The following AKAP6 variants were observed in gnomAD, a reference collection of about 807,000 sequenced individuals.
AKAP6 encodes A-kinase anchor protein 6.
A neutral mutation model predicts 188.5 loss-of-function variants in AKAP6; 58 were observed. That is an observed-to-expected ratio of 0.31 (90% confidence interval 0.25 to 0.38). The LOEUF is 0.38. Among genes scored for constraint, AKAP6 ranks in the 10% least tolerant of loss-of-function variants. The pLI is 1.00. For missense variants in AKAP6, 2,710 were observed against 2,740.0 expected (o/e 0.99, Z 0.24); for synonymous variants, 989 against 998.6 (o/e 0.99, Z 0.18).
intron 9 of AKAP6, among the ~76,000 whole-genome samples, chr14:32,715,351 A>G (rs1166310565): frequency 6.6e-6 from 1 of 152,070 alleles, no homozygotes; most frequent in Non-Finnish European, 1.5e-5. Flanking sequence ...GGATGAGACA[A>G]TAAGAATTCA....
At chr14:32,738,525 A>T (rs1410360507) in intron 11 of AKAP6, among the ~76,000 whole-genome samples, 2 of 152,186 alleles carry the variant, frequency 1.3e-5, no homozygotes, top group Non-Finnish European at 2.9e-5. Flanking sequence ...TTTTATGCAT[A>T]TTGTTATACT....
chr14:32,608,793 C>T (rs1368980832), intron 7 of AKAP6, among the ~76,000 whole-genome samples: 1 of 152,132 alleles, frequency 6.6e-6, no homozygotes, highest in Non-Finnish European at 1.5e-5. Flanking sequence ...GCAGATCTCA[C>T]ATTTTGTACC....
chr14:32,795,274 A>G (rs1289164383), intron 12 of AKAP6, among the ~76,000 whole-genome samples: 7 of 152,236 alleles, frequency 4.6e-5, no homozygotes, highest in East Asian at 1.9e-4. Context: ...ACTTCTCCCT[A>G]ACTCATTCCG....
chr14:32,740,178 G>A (rs1157683581), intron 11 of AKAP6, among the ~76,000 whole-genome samples: 1 of 151,898 alleles, frequency 6.6e-6, no homozygotes, highest in African/African-American at 2.4e-5. Context: ...GTCTTCTTTT[G>A]AGAAATGGCT....
intron 7 of AKAP6, among the ~76,000 whole-genome samples, chr14:32,616,664 G>C (rs138364473): frequency 2.2e-4 from 33 of 152,160 alleles, no homozygotes; most frequent in African/African-American, 8.0e-4. Flanking sequence ...TTTAGCATCT[G>C]GATGACAAAA....
At chr14:32,726,266 C>T (rs1211123779) in intron 9 of AKAP6, 12 of 919,018 alleles carry the variant, frequency 1.3e-5, no homozygotes, top group African/African-American at 5.4e-5. Flanking sequence ...ATTCTTCTCT[C>T]CTCAGTCTTC....
chr14:32,790,118 T>C lies in AKAP6; in HGVS notation c.3588+16225T>C, dbSNP rs145291668. On this transcript the variant is annotated intron_variant, in intron 12 of 13. Transcript: ENST00000280979. Reference sequence around the variant, plus strand: ...AGAATAGACCAAGTGGAGGAAAGAATCTCAGAGCCTGAAGACTATCTTTCT... The same window carrying C: ...AGAATAGACCAAGTGGAGGAAAGAACCTCAGAGCCTGAAGACTATCTTTCT... 1.4e-3 allele frequency among the ~76,000 whole-genome samples: 215 copies of C among 152,208 alleles called. 3 individuals are homozygous for C. The East Asian group carries it at 0.037, about 26-fold the overall frequency.
intron 12 of AKAP6, among the ~76,000 whole-genome samples, chr14:32,785,101 G>C (rs1285299415): frequency 6.6e-6 from 1 of 152,080 alleles, no homozygotes; most frequent in Non-Finnish European, 1.5e-5. Context: ...GATTGAATTA[G>C]AGAACACCAT....
chr14:32,575,008 C>A (rs1884656093), intron 4 of AKAP6, among the ~76,000 whole-genome samples: 1 of 152,114 alleles, frequency 6.6e-6, no homozygotes, highest in African/African-American at 2.4e-5. Flanking sequence ...AACATCAAGT[C>A]AGATATGAAC....
At chr14:32,611,445 A>G (rs74904831) in intron 7 of AKAP6, among the ~76,000 whole-genome samples, 2,123 of 152,300 alleles carry the variant, frequency 0.014, 53 homozygotes, top group African/African-American at 0.048. Context: ...TTCTTGTGTA[A>G]CAGTTGAAAA....
At chr14:32,463,814 T>C (rs1205833477) in intron 2 of AKAP6, among the ~76,000 whole-genome samples, 1 of 152,202 alleles carries the variant, frequency 6.6e-6, no homozygotes, top group Non-Finnish European at 1.5e-5. Flanking sequence ...AGCTGGTTTT[T>C]TGAAAACATT....
Position 32,437,069 on chromosome 14 carries a change from C to T in AKAP6, c.324+3252C>T, listed in dbSNP as rs192657141. Among the ~76,000 whole-genome samples, 15 of 152,308 alleles carry T rather than the reference C, an allele frequency of 9.8e-5. No homozygotes were observed. The East Asian group carries it at 2.7e-3, about 27-fold the overall frequency. ...TGGCTCCTGTACTTTTCTCCTTGTT[C>T]ATAAAGCTCCAGATTCACTGTAAGT... is the stretch of plus-strand genomic sequence containing the variant. On this transcript the variant is annotated intron_variant, in intron 2 of 13. Coordinates refer to ENST00000280979, the MANE Select transcript of AKAP6 (RefSeq NM_004274.5).
chr14:32,330,875 G>A (rs748565624), intron 1 of AKAP6, among the ~76,000 whole-genome samples: 25 of 151,868 alleles, frequency 1.6e-4, no homozygotes, highest in Non-Finnish European at 2.5e-4. Flanking sequence ...TTTCTGACAT[G>A]CAGCTGTATA....
intron 12 of AKAP6, among the ~76,000 whole-genome samples, chr14:32,786,305 T>TTTTTTTG (rs2033410760): frequency 1.3e-4 from 10 of 75,970 alleles, no homozygotes; most frequent in African/African-American, 2.4e-4. Flanking sequence ...TATCTTTTTT[T>TTTTTTTG]TTTTTTTTTT....
chr14:32,816,060 G>GT (rs1314790550), intron 12 of AKAP6, among the ~76,000 whole-genome samples: 1 of 152,128 alleles, frequency 6.6e-6, no homozygotes, highest in Non-Finnish European at 1.5e-5. Flanking sequence ...TTTATTCTAT[G>GT]TTTTTTCTTG....
At chr14:32,726,792 A>G (rs2139810280) in intron 9 of AKAP6, among the ~76,000 whole-genome samples, 1 of 152,346 alleles carries the variant, frequency 6.6e-6, no homozygotes, top group Non-Finnish European at 1.5e-5. Context: ...CAGAGACCCC[A>G]TGCAAATTTC....
At chr14:32,430,835 G>A (rs753034796) in intron 1 of AKAP6, among the ~76,000 whole-genome samples, 9 of 152,190 alleles carry the variant, frequency 5.9e-5, no homozygotes, top group South Asian at 4.2e-4. Context: ...GGCTGGGTGC[G>A]GTGGCTCATG....
At chr14:32,722,212 T>G (rs2030579610) in intron 9 of AKAP6, among the ~76,000 whole-genome samples, 1 of 152,200 alleles carries the variant, frequency 6.6e-6, no homozygotes, top group South Asian at 2.1e-4. Flanking sequence ...ATCTTCTCCC[T>G]TACTGAAGTG....
intron 8 of AKAP6, among the ~76,000 whole-genome samples, chr14:32,694,383 G>A (rs1051589513): frequency 6.6e-6 from 1 of 151,240 alleles, no homozygotes; most frequent in Non-Finnish European, 1.5e-5. Flanking sequence ...AAAAAAAAGC[G>A]TGGTCCATGG....
Sources: gnomAD v4.1 joint callset for allele counts (sites outside exome capture counted in the v4.1 genomes callset) on GRCh38, gnomAD v4.1.1 for gene constraint, MANE v1.5 for transcripts, NCBI Gene and HGNC (gene_info 2026-07-23, HGNC 2026-07-21) for gene names.